Variants in MCCC2 observed in about 807,000 individuals in gnomAD.
MCCC2 encodes methylcrotonoyl-CoA carboxylase beta chain, mitochondrial.
A neutral mutation model predicts 77.2 loss-of-function variants in MCCC2; 52 were observed. That is an observed-to-expected ratio of 0.67 (90% confidence interval 0.54 to 0.85). The LOEUF (loss-of-function observed/expected upper bound fraction) is 0.85, where lower values mean the gene tolerates loss of function less well. MCCC2 is among the 40% of genes least tolerant of loss of function. MCCC2 has a pLI of 0.00. For synonymous variants in MCCC2, 253 were observed against 248.4 expected (o/e 1.02, Z -0.18); for missense variants, 682 against 703.2 (o/e 0.97, Z 0.34).
At chr5:71,618,524 CCTTCCTTCCTTCCTTCCTTCCTTCCTTT>C (rs1332421769) in intron 6 of MCCC2, among the ~76,000 whole-genome samples, 4 of 61,704 alleles carry the variant, frequency 6.5e-5, no homozygotes, top group Admixed American at 5.7e-4. Flanking sequence ...TTCCTTCCTT[CCTTCCTTCCTTCCTTCCTTCCTTCCTTT>C]CTTTCTTTCT....
rs909993908 is a variant in MCCC2 at position 71,599,533 on chromosome 5, A to G, written c.282-126A>G. ...TTTTAGATTTTTAAAAATAGATTTT[A>G]TATACAACATGTGTATTTGAAATAT... is the stretch of plus-strand genomic sequence containing the variant. On this transcript the variant is annotated intron_variant, in intron 3 of 16. Coordinates refer to ENST00000340941, the MANE Select transcript of MCCC2 (RefSeq NM_022132.5). 19 of 752,926 alleles carry G rather than the reference A, an allele frequency of 2.5e-5. No individual in the cohort carries two copies. In the Admixed American group the frequency reaches 2.6e-4, roughly 10 times the overall value. The allele number at this position is 752,926 out of a possible 1,614,324, so 46.6% of individuals were successfully genotyped here.
intron 4 of MCCC2, among the ~76,000 whole-genome samples, chr5:71,601,593 AGT>A: frequency 6.6e-6 from 1 of 152,330 alleles, no homozygotes; most frequent in South Asian, 2.1e-4. Context: ...CACATATCCT[AGT>A]ATGAGAAGCT....
chr5:71,608,707 G>A (rs1371135764), intron 6 of MCCC2, among the ~76,000 whole-genome samples: 2 of 152,262 alleles, frequency 1.3e-5, no homozygotes, highest in African/African-American at 2.4e-5. Context: ...TTTTTGCAGT[G>A]GCTGGTACCG....
chr5:71,633,139 T>A (rs1232785773), intron 8 of MCCC2, among the ~76,000 whole-genome samples: 8 of 136,696 alleles, frequency 5.9e-5, no homozygotes, highest in Middle Eastern at 3.8e-3. Flanking sequence ...ATATTTTTAT[T>A]TTTTGTAGAA....
In MCCC2 at chr5:71,650,182, A is replaced by T; in HGVS notation, c.1487A>T (p.Gln496Leu). The T allele has an allele frequency of 6.2e-7, 1 of 1,613,840 alleles. No homozygotes were observed. The highest frequency in any genetic ancestry group is 8.5e-7 in the Non-Finnish European group (1 of 1,179,734). ...GACCAAAGAGCCCGGGAAGGAAAGC[A>T]GGTCGGTGTCGTTTTCTCTTGTTTC... ...TKDQRAREGK[Q>L]FSSADEAALK... The change falls in exon 15 of 17, where the codon CAG becomes CTG. Residue 496 changes from glutamine to leucine, a missense_variant and splice_region_variant. By Grantham distance (113) the Gln-to-Leu change is moderately radical (BLOSUM62 -2). Coordinates refer to ENST00000340941, the MANE Select transcript of MCCC2 (RefSeq NM_022132.5).
intron 16 of MCCC2, among the ~76,000 whole-genome samples, chr5:71,653,524 G>A (rs994268773): frequency 3.3e-5 from 5 of 149,536 alleles, no homozygotes; most frequent in Non-Finnish European, 1.5e-5. Flanking sequence ...AATTTATGCT[G>A]GCGAAGGCAA....
chr5:71,603,505 A>G (rs1032658720), intron 5 of MCCC2, among the ~76,000 whole-genome samples: 2 of 151,066 alleles, frequency 1.3e-5, no homozygotes, highest in Non-Finnish European at 1.5e-5. Flanking sequence ...GTATGCAGGT[A>G]TTTGAACGGG....
rs1348261858 is a variant in MCCC2, at chr5:71,657,444, T to G, written c.*584T>G. ...CATCTCCTTATTATTATTTTTTTTT[T>G]GAGACAGGGTGTTTCTCTGTTGCCC... is the stretch of plus-strand genomic sequence containing the variant. On this transcript the variant is annotated 3_prime_UTR_variant, in exon 17 of 17. Transcript: ENST00000340941. 1 of 152,970 alleles carries G rather than the reference T, an allele frequency of 6.5e-6. No individual in the cohort carries two copies. The highest frequency in any genetic ancestry group is 2.4e-5 in the African/African-American group (1 of 41,392). The allele number at this position is 152,970 out of a possible 1,614,324, so 9.5% of individuals were successfully genotyped here. A position where few individuals can be genotyped will look rare whatever the true frequency, so the allele number is the denominator to read the frequency against.
chr5:71,612,965 T>G (rs1189665227), intron 6 of MCCC2, among the ~76,000 whole-genome samples: 1 of 152,222 alleles, frequency 6.6e-6, no homozygotes, highest in East Asian at 1.9e-4. Flanking sequence ...GGGGACATTC[T>G]GTTCCTTTCC....
intron 11 of MCCC2, among the ~76,000 whole-genome samples, chr5:71,643,274 C>G (rs1353799892): frequency 6.6e-6 from 1 of 151,774 alleles, no homozygotes; most frequent in African/African-American, 2.4e-5. Flanking sequence ...CTCAGCTACT[C>G]AGGAGGCTGA....
Position 71,635,256 on chromosome 5 carries a change from A to T in MCCC2, c.999+10A>T. 1 of 1,611,534 alleles carries T rather than the reference A, an allele frequency of 6.2e-7. No individual in the cohort carries two copies. Among genetic ancestry groups the T allele is most frequent in the Non-Finnish European group, 8.5e-7 (1 of 1,177,622 alleles). Reference sequence around the variant, plus strand: ...CTTTGATGTCCGAGAGGTATGTGAAAGTGGAACTGTGAGCTTTATGACCAG... The same window carrying T: ...CTTTGATGTCCGAGAGGTATGTGAATGTGGAACTGTGAGCTTTATGACCAG... On this transcript the variant is annotated intron_variant, in intron 10 of 16. Transcript: ENST00000340941.
chr5:71,635,408 T>G, intron 10 of MCCC2, 162 bp downstream of exon 10: 1 of 720,692 alleles, frequency 1.4e-6, no homozygotes, highest in South Asian at 1.5e-5. Context: ...TTCCATACTG[T>G]GGATATCATT....
chr5:71,602,778 G>A, intron 5 of MCCC2, 145 bp downstream of exon 5: 1 of 1,232,886 alleles, frequency 8.1e-7, no homozygotes, highest in South Asian at 1.4e-5. Context: ...CAGGTTCTTT[G>A]CTGAAAACTC....
intron 15 of MCCC2, among the ~76,000 whole-genome samples, chr5:71,651,547 A>G (rs1747438274): frequency 6.6e-6 from 1 of 152,168 alleles, no homozygotes; most frequent in East Asian, 1.9e-4. Flanking sequence ...GATGGAATGG[A>G]GGGAGCCCTG....
chr5:71,598,515 C>T (rs893680499), intron 3 of MCCC2, among the ~76,000 whole-genome samples: 1 of 151,840 alleles, frequency 6.6e-6, no homozygotes, highest in Non-Finnish European at 1.5e-5. Flanking sequence ...TCTCAGCTCA[C>T]TGAAACCTCT....
intron 16 of MCCC2, among the ~76,000 whole-genome samples, chr5:71,654,051 G>A (rs1481616688): frequency 6.6e-6 from 1 of 152,136 alleles, no homozygotes; most frequent in East Asian, 1.9e-4. Flanking sequence ...AGTTTGGAGT[G>A]CAGTGACGTG....
At chr5:71,654,911 T>C (rs10065732) in intron 16 of MCCC2, among the ~76,000 whole-genome samples, 122,476 of 151,140 alleles carry the variant, frequency 0.81, 50,685 homozygotes, top group East Asian at 0.98. Context: ...CTCGGCTCAC[T>C]GCAACTTCCG....
chr5:71,587,630 A>C (rs1580262544), intron 1 of MCCC2, 76 bp downstream of exon 1: 13 of 1,501,092 alleles, frequency 8.7e-6, no homozygotes, highest in Non-Finnish European at 1.2e-5. Flanking sequence ...CGCTTCAACA[A>C]CTGCTGCTCT....
At chr5:71,615,374 G>A (rs1400277739) in intron 6 of MCCC2, among the ~76,000 whole-genome samples, 1 of 152,128 alleles carries the variant, frequency 6.6e-6, no homozygotes, top group Non-Finnish European at 1.5e-5. Context: ...TTCCCACTCT[G>A]CACAGCCTCT....
Sources: gnomAD v4.1 joint callset for allele counts (sites outside exome capture counted in the v4.1 genomes callset) on GRCh38, gnomAD v4.1.1 for gene constraint, MANE v1.5 for transcripts, NCBI Gene and HGNC (gene_info 2026-07-23, HGNC 2026-07-21) for gene names.